SASS6: variants seen among roughly 807,000 people sequenced by gnomAD.
The protein encoded by SASS6 is spindle assembly abnormal protein 6 homolog.
In SASS6, 59 loss-of-function variants were observed where a neutral mutation model predicts 94.9. That is an observed-to-expected ratio of 0.62 (90% CI 0.50 to 0.77). The LOEUF (loss-of-function observed/expected upper bound fraction) is 0.77. Among genes scored for constraint, SASS6 ranks in the 30% least tolerant of loss-of-function variants. The pLI is 0.00. For missense variants in SASS6, 698 were observed against 734.1 expected, an observed-to-expected ratio of 0.95 and a Z score of 0.57; for synonymous variants, 264 against 270.0, an observed-to-expected ratio of 0.98 and a Z score of 0.22.
chr1:100,121,645 G>C, intron 4 of SASS6, 96 bp from the exon 5 acceptor site: 1 of 713,454 alleles, frequency 1.4e-6, no homozygotes, highest in Non-Finnish European at 2.4e-6. Flanking sequence ...GCTCAGGAAA[G>C]GGAGCACATT....
At chr1:100,115,294 A>G (rs553554391) in intron 7 of SASS6, among the ~76,000 whole-genome samples, 1 of 152,324 alleles carries the variant, frequency 6.6e-6, no homozygotes, top group East Asian at 1.9e-4. Flanking sequence ...TAGGGAGTGG[A>G]TGGTCTCATT....
chr1:100,104,588 T>C (rs369726038), intron 13 of SASS6, among the ~76,000 whole-genome samples: 42 of 152,074 alleles, frequency 2.8e-4, no homozygotes, highest in African/African-American at 1.0e-3. Flanking sequence ...GTCTCCCGAG[T>C]AGCTGGGATT....
chr1:100,098,548 G>A (rs544296131), intron 14 of SASS6, among the ~76,000 whole-genome samples: 26 of 151,638 alleles, frequency 1.7e-4, no homozygotes, highest in African/African-American at 6.0e-4. Context: ...TTAGTCACCA[G>A]TTATGCAAAA....
intron 12 of SASS6, among the ~76,000 whole-genome samples, chr1:100,106,324 T>C (rs565878199): frequency 5.8e-4 from 88 of 152,244 alleles, no homozygotes; most frequent in Non-Finnish European, 1.1e-3. Context: ...AAAAAAGGAA[T>C]AATGAAGAAT....
intron 13 of SASS6, among the ~76,000 whole-genome samples, chr1:100,105,251 G>A (rs1193003646): frequency 2.0e-5 from 3 of 152,146 alleles, no homozygotes. Context: ...GCTCTTGGCT[G>A]GGTGCGGTGG....
chr1:100,097,669 T>C (rs778707280), intron 14 of SASS6, among the ~76,000 whole-genome samples: 2 of 151,300 alleles, frequency 1.3e-5, no homozygotes, highest in Non-Finnish European at 2.9e-5. Flanking sequence ...TACAAAAAAA[T>C]GCAAAAAAAG....
rs115250735 is a variant in SASS6, at chr1:100,105,183, A to T, written c.1545+584T>A. ...TTTCAAGTTTTTCAGTATATTTGGTATTACTTTAGTTAGCATTGAAAGATT... is the reference window on the plus strand; with the variant it reads ...TTTCAAGTTTTTCAGTATATTTGGTTTTACTTTAGTTAGCATTGAAAGATT... On this transcript the variant is annotated intron_variant, in intron 13 of 16. Coordinates refer to ENST00000287482, the MANE Select transcript of SASS6 (RefSeq NM_194292.3). Among the ~76,000 whole-genome samples, 1,271 of 152,202 alleles carry T rather than the reference A, an allele frequency of 8.4e-3. 11 individuals are homozygous for T. Among genetic ancestry groups the T allele is most frequent in the Non-Finnish European group, 0.013 (902 of 68,012 alleles).
At chr1:100,097,734 T>C (rs976452834) in intron 14 of SASS6, among the ~76,000 whole-genome samples, 1 of 151,788 alleles carries the variant, frequency 6.6e-6, no homozygotes, top group East Asian at 1.9e-4. Flanking sequence ...GAGGCTAAGA[T>C]AGGAGGATCA....
At chr1:100,097,502 G>C (rs1652185071) in intron 14 of SASS6, among the ~76,000 whole-genome samples, 1 of 152,168 alleles carries the variant, frequency 6.6e-6, no homozygotes. Flanking sequence ...CAGCCTGGAT[G>C]AACCTCAAAC....
In SASS6 at chr1:100,121,480, C is replaced by G; in HGVS notation, c.381G>C (p.Glu127Asp). 6.3e-7 allele frequency: 1 copy of G among 1,598,186 alleles called. No homozygotes were observed. Among genetic ancestry groups the G allele is most frequent in the Non-Finnish European group, 8.6e-7 (1 of 1,168,498 alleles). ...DNSPAFLNVV[E>D]TNPFKHLTHL... The stretch of plus-strand genomic sequence containing the variant: ...GTGTAAGATGCTTAAAAGGATTTGT[C>G]TCTACCACATTTAAAAATGCAGGTG... Residue 127 changes from glutamate to aspartate, a missense_variant, in exon 5 of 17, where the codon GAG becomes GAC. By Grantham distance (45) the Glu-to-Asp change is conservative (BLOSUM62 2). Transcript: ENST00000287482.
rs570743039 is a variant in SASS6 at position 100,104,907 on chromosome 1, C to T, written c.1545+860G>A. On this transcript the variant is annotated intron_variant, in intron 13 of 16. Coordinates refer to ENST00000287482, the MANE Select transcript of SASS6 (RefSeq NM_194292.3). ...GGTCAAGGCTGCCATGAGCCATGAT[C>T]CCACCACTGCACTCCAGCCTCGGCA... Among the ~76,000 whole-genome samples the T allele has an allele frequency of 2.6e-5, 4 of 152,030 alleles. No homozygotes were observed. The East Asian group carries it at 5.9e-4, about 22-fold the overall frequency.
At chr1:100,107,268 TAAA>T in intron 11 of SASS6, 103 bp downstream of exon 11, 1 of 553,542 alleles carries the variant, frequency 1.8e-6, no homozygotes, top group Non-Finnish European at 3.1e-6. Context: ...GTTCTTTTGT[TAAA>T]AAAAAAAACA....
chr1:100,126,816 T>C (rs1654655450), intron 1 of SASS6, among the ~76,000 whole-genome samples: 1 of 152,178 alleles, frequency 6.6e-6, no homozygotes, highest in Non-Finnish European at 1.5e-5. Flanking sequence ...TGTGAAGCGA[T>C]ATTAGAATGC....
At chr1:100,093,725 T>C (rs621212) in intron 14 of SASS6, among the ~76,000 whole-genome samples, 38,215 of 151,910 alleles carry the variant, frequency 0.25, 7,444 homozygotes, top group African/African-American at 0.55. Context: ...CATGCCACTG[T>C]ACTCCAGTCT....
At chr1:100,125,222 A>AGT (rs59388922) in intron 2 of SASS6, among the ~76,000 whole-genome samples, 6,564 of 143,618 alleles carry the variant, frequency 0.046, 143 homozygotes, top group Admixed American at 0.063. Flanking sequence ...ACAAGGCAGC[A>AGT]GTGTGTGTGT....
chr1:100,119,651 T>A (rs560599365), intron 6 of SASS6, among the ~76,000 whole-genome samples: 2 of 152,178 alleles, frequency 1.3e-5, no homozygotes, highest in Non-Finnish European at 2.9e-5. Context: ...TTAGTGCCAT[T>A]CCCTTGGTGT....
intron 14 of SASS6, among the ~76,000 whole-genome samples, chr1:100,094,265 A>G (rs1651961615): frequency 6.6e-6 from 1 of 152,246 alleles, no homozygotes; most frequent in African/African-American, 2.4e-5. Flanking sequence ...GAAGAAATAA[A>G]TAACCCAAAC....
intron 7 of SASS6, among the ~76,000 whole-genome samples, chr1:100,114,557 A>G (rs1653647891): frequency 6.6e-6 from 1 of 151,334 alleles, no homozygotes; most frequent in African/African-American, 2.4e-5. Context: ...ATAAAAATAA[A>G]AATAAAAAAA....
rs1557900476 is a variant in SASS6 at position 100,132,860 on chromosome 1, CG to C, written c.-47del. The C allele has an allele frequency of 6.4e-7, 1 of 1,567,866 alleles. No homozygotes were observed. Among genetic ancestry groups the C allele is most frequent in the East Asian group, 2.2e-5 (1 of 44,636 alleles). On this transcript the variant is annotated 5_prime_UTR_variant, in exon 1 of 17. Transcript: ENST00000287482. ...GGTGTGCAGAAAAGCCCAACAGGCC[CG>C]GCCCTCGGGATTAGCCTGAGAGGTC...
Sources: allele counts gnomAD v4.1 joint callset (sites outside exome capture counted in the v4.1 genomes callset), GRCh38; gene constraint gnomAD v4.1.1; transcripts MANE v1.5; gene names NCBI Gene and HGNC (gene_info 2026-07-23, HGNC 2026-07-21).